NTN1: variants seen among roughly 807,000 people sequenced by gnomAD.
The protein encoded by NTN1 is netrin 1, also known as netrin-1.
NTN1 carries 11 observed loss-of-function variants against 54.2 expected under a neutral mutation model. The ratio of observed to expected loss-of-function variants is 0.20; its 90% confidence interval spans 0.13 to 0.34. The LOEUF (loss-of-function observed/expected upper bound fraction) is 0.34. Ranked by LOEUF, NTN1 falls within the 10% of genes least tolerant of loss-of-function variation. The pLI is 1.00. For synonymous variants in NTN1, 371 were observed against 382.0 expected (o/e 0.97, Z 0.33); for missense variants, 740 against 893.1 (o/e 0.83, Z 2.18).
At chr17:9,102,733 C>T (rs150127033) in intron 2 of NTN1, among the ~76,000 whole-genome samples, 10 of 152,256 alleles carry the variant, frequency 6.6e-5, no homozygotes, top group African/African-American at 2.4e-4. Flanking sequence ...GAATGCCCAT[C>T]AACAATAGAA....
intron 5 of NTN1, among the ~76,000 whole-genome samples, chr17:9,216,564 T>C (rs1905220927): frequency 6.6e-6 from 1 of 152,154 alleles, no homozygotes; most frequent in African/African-American, 2.4e-5. Context: ...CAGATCCATG[T>C]ACTGGTGCAA....
chr17:9,039,697 A>G (rs555104659), intron 2 of NTN1, among the ~76,000 whole-genome samples: 4 of 152,260 alleles, frequency 2.6e-5, no homozygotes, highest in South Asian at 4.2e-4. Flanking sequence ...CTGTCATTGT[A>G]TATCTGTTTG....
chr17:9,066,486 G>C (rs757686709), intron 2 of NTN1, among the ~76,000 whole-genome samples: 2 of 151,928 alleles, frequency 1.3e-5, no homozygotes, highest in Non-Finnish European at 2.9e-5. Context: ...AAATTAGCCA[G>C]GTGTGGTGGT....
intron 5 of NTN1, among the ~76,000 whole-genome samples, chr17:9,201,292 C>G (rs559429773): frequency 5.5e-4 from 84 of 152,316 alleles, no homozygotes; most frequent in African/African-American, 1.9e-3. Context: ...TCTCTGTGCT[C>G]TCCTCCTGGG....
chr17:9,077,993 G>C (rs187807784), intron 2 of NTN1, among the ~76,000 whole-genome samples: 7 of 152,162 alleles, frequency 4.6e-5, no homozygotes, highest in Non-Finnish European at 8.8e-5. Flanking sequence ...CCCATTCCCA[G>C]ATGGTGGTTA....
chr17:9,079,832 A>C (rs564834036), intron 2 of NTN1, among the ~76,000 whole-genome samples: 1 of 141,798 alleles, frequency 7.1e-6, no homozygotes, highest in East Asian at 2.1e-4. Flanking sequence ...TGGTTCCCCA[A>C]TGGGCCTGTT....
chr17:9,114,678 C>G (rs796273172), intron 2 of NTN1, among the ~76,000 whole-genome samples: 1 of 152,040 alleles, frequency 6.6e-6, no homozygotes, highest in Admixed American at 6.6e-5. Context: ...CGCTTGAACC[C>G]GGGAAGAGGA....
intron 6 of NTN1, among the ~76,000 whole-genome samples, chr17:9,231,742 C>CCA (rs1905823481): frequency 8.1e-6 from 1 of 123,078 alleles, no homozygotes; most frequent in Admixed American, 1.0e-4. Flanking sequence ...CATCTGCAGG[C>CCA]CTGGTGGGCC....
chr17:9,193,089 A>AG (rs1474085859), intron 5 of NTN1, among the ~76,000 whole-genome samples: 2 of 143,258 alleles, frequency 1.4e-5, no homozygotes, highest in Non-Finnish European at 3.1e-5. Flanking sequence ...CAAAAAAAAA[A>AG]AAAAAAGAAA....
chr17:9,156,748 T>C (rs994135666), intron 2 of NTN1, among the ~76,000 whole-genome samples: 8 of 152,200 alleles, frequency 5.3e-5, no homozygotes, highest in African/African-American at 1.9e-4. Context: ...GTTAAATTGA[T>C]GAGTTAAAGC....
At chr17:9,147,907 T>C (rs1227371571) in intron 2 of NTN1, among the ~76,000 whole-genome samples, 1 of 152,244 alleles carries the variant, frequency 6.6e-6, no homozygotes, top group Non-Finnish European at 1.5e-5. Flanking sequence ...TTTGATCATT[T>C]TCACCACAAA....
At chr17:9,036,686 G>A (rs761476096) in intron 2 of NTN1, among the ~76,000 whole-genome samples, 4 of 152,070 alleles carry the variant, frequency 2.6e-5, no homozygotes, top group Non-Finnish European at 5.9e-5. Flanking sequence ...CGAGGGGTTG[G>A]GTCACAAAGG....
At chr17:9,045,932 A>G (rs2091940090) in intron 2 of NTN1, among the ~76,000 whole-genome samples, 1 of 152,226 alleles carries the variant, frequency 6.6e-6, no homozygotes, top group Non-Finnish European at 1.5e-5. Context: ...ATGCTACTAA[A>G]TTTTCTAAGT....
intron 5 of NTN1, among the ~76,000 whole-genome samples, chr17:9,213,736 A>T (rs766318814): frequency 6.6e-6 from 1 of 152,206 alleles, no homozygotes; most frequent in South Asian, 2.1e-4. Flanking sequence ...AAATAGCGTG[A>T]AATCGATTTG....
intron 6 of NTN1, among the ~76,000 whole-genome samples, chr17:9,226,774 C>T (rs534432632): frequency 3.3e-5 from 5 of 152,108 alleles, no homozygotes; most frequent in South Asian, 4.1e-4. Context: ...TGCGAGGAGG[C>T]GGCGAGTGAG....
chr17:9,050,745 A>G (rs2091957933), intron 2 of NTN1, among the ~76,000 whole-genome samples: 1 of 151,342 alleles, frequency 6.6e-6, no homozygotes, highest in African/African-American at 2.4e-5. Flanking sequence ...AGAGCCTCTC[A>G]GCCTCGTTTT....
chr17:9,143,713 A>G (rs1436357553), intron 2 of NTN1, among the ~76,000 whole-genome samples: 2 of 152,146 alleles, frequency 1.3e-5, no homozygotes, highest in Non-Finnish European at 2.9e-5. Context: ...ATCTCTTAAA[A>G]TGGTGGGTAT....
chr17:9,036,428 C>G (rs935639025), intron 2 of NTN1, among the ~76,000 whole-genome samples: 6 of 137,092 alleles, frequency 4.4e-5, no homozygotes, highest in Non-Finnish European at 9.1e-5. Context: ...CAGGGTCTCG[C>G]TCTGTCATCC....
At chr17:9,172,452 C>T (rs1376959504) in intron 3 of NTN1, among the ~76,000 whole-genome samples, 1 of 152,106 alleles carries the variant, frequency 6.6e-6, no homozygotes, top group Non-Finnish European at 1.5e-5. Context: ...GCACTCCAGC[C>T]TGGGCGACAG....
Sources: gnomAD v4.1 joint callset for allele counts (sites outside exome capture counted in the v4.1 genomes callset) on GRCh38, gnomAD v4.1.1 for gene constraint, MANE v1.5 for transcripts, NCBI Gene and HGNC (gene_info 2026-07-23, HGNC 2026-07-21) for gene names.